Variants in MYOM1 observed in about 807,000 individuals in gnomAD.
MYOM1 encodes the protein myomesin 1.
In MYOM1, 164 loss-of-function variants were observed where a neutral mutation model predicts 205.3. The observed-to-expected ratio is 0.80, with a 90% CI of 0.70 to 0.91. The LOEUF (loss-of-function observed/expected upper bound fraction) is 0.91. Among genes scored for constraint, MYOM1 ranks in the 40% least tolerant of loss-of-function variants. MYOM1 has a pLI of 0.00. For synonymous variants in MYOM1, 772 were observed against 789.4 expected (o/e 0.98, Z 0.37); for missense variants, 2,011 against 2,127.3 (o/e 0.95, Z 1.08).
chr18:3,168,958 C>G lies in MYOM1; in HGVS notation c.1198G>C (p.Ala400Pro), dbSNP rs1221211210. Residue 400 changes from alanine to proline, a missense_variant, in exon 9 of 38, where the codon GCA (alanine) becomes CCA (proline). Physicochemically the swap from Ala to Pro is conservative, Grantham distance 27. Transcript: ENST00000356443. Reference sequence around the variant, plus strand: ...TCAAAGTGGATCTCAAACCGGGATGCATAACCATATGGGGTCACACCAACT... The same window carrying G: ...TCAAAGTGGATCTCAAACCGGGATGGATAACCATATGGGGTCACACCAACT... ...LSFGVTPYGY[A>P]SRFEIHFDDK... 6 of 1,612,780 alleles carry G rather than the reference C, an allele frequency of 3.7e-6. No homozygotes were observed. Among genetic ancestry groups the G allele is most frequent in the Non-Finnish European group, 5.1e-6 (6 of 1,179,468 alleles).
chr18:3,112,926 A>G (rs1193730981), intron 21 of MYOM1, among the ~76,000 whole-genome samples: 2 of 152,202 alleles, frequency 1.3e-5, no homozygotes, highest in African/African-American at 4.8e-5. Flanking sequence ...CTAAAACCAA[A>G]ACAAACAATA....
Position 3,086,087 on chromosome 18 carries a change from T to C in MYOM1, c.4202A>G (p.Asp1401Gly). 1 of 1,611,948 alleles carries C rather than the reference T, an allele frequency of 6.2e-7. No individual in the cohort carries two copies. The highest frequency in any genetic ancestry group is 8.5e-7 in the Non-Finnish European group (1 of 1,179,262). The part of the protein sequence containing the change: ...WYKDEREISV[D>G]EKHDFKDGIC... ...ACCATCCTTAAAGTCATGCTTTTCA[T>C]CCACTGATATCTCCCTCTCATCTTT... Residue 1401 changes from aspartate to glycine, a missense_variant, in exon 30 of 38, where the codon GAT (aspartate) becomes GGT (glycine). Transcript: ENST00000356443.
the MYOM1 span, among the ~76,000 whole-genome samples, chr18:3,245,676 A>T: frequency 1.3e-5 from 2 of 152,210 alleles, no homozygotes; most frequent in African/African-American, 2.4e-5. Context: ...ATCTTCAATC[A>T]GCCAGGCCCT....
chr18:3,210,924 GGTT>G (rs2081183731), intron 2 of MYOM1, among the ~76,000 whole-genome samples: 1 of 152,082 alleles, frequency 6.6e-6, no homozygotes, highest in Non-Finnish European at 1.5e-5. Context: ...TACTGCTCAG[GGTT>G]GTTGTAAAGA....
chr18:3,117,239 G>A (rs961631920), intron 20 of MYOM1, among the ~76,000 whole-genome samples: 4 of 152,112 alleles, frequency 2.6e-5, no homozygotes, highest in African/African-American at 9.7e-5. Context: ...TCTATTTGAT[G>A]GCATATGAAT....
Position 3,127,680 on chromosome 18 carries a change from C to T in MYOM1, c.2795-783G>A, listed in dbSNP as rs561097805. ...GCACACTTACCCTTGTGAGACCTTA[C>T]AACTACACAACTCTGTCTGCACACA... On this transcript the variant is annotated intron_variant, in intron 18 of 37. Coordinates refer to ENST00000356443, the MANE Select transcript of MYOM1 (RefSeq NM_003803.4). 2.6e-5 allele frequency among the ~76,000 whole-genome samples: 4 copies of T among 152,208 alleles called. No individual in the cohort carries two copies. The South Asian group carries it at 8.3e-4, about 32-fold the overall frequency.
intron 10 of MYOM1, among the ~76,000 whole-genome samples, chr18:3,157,413 G>A (rs1241977986): frequency 6.6e-6 from 1 of 151,976 alleles, no homozygotes; most frequent in Non-Finnish European, 1.5e-5. Context: ...GATCCTAGCT[G>A]GGTGCAGTGG....
At chr18:3,210,887 C>T (rs1248246527) in intron 2 of MYOM1, among the ~76,000 whole-genome samples, 1 of 152,138 alleles carries the variant, frequency 6.6e-6, no homozygotes, top group Non-Finnish European at 1.5e-5. Context: ...CCAATTTTCT[C>T]ATTTATAAAA....
intron 5 of MYOM1, among the ~76,000 whole-genome samples, chr18:3,186,893 A>G (rs1225478517): frequency 4.8e-5 from 7 of 145,592 alleles, no homozygotes; most frequent in African/African-American, 1.4e-4. Context: ...AGAAAGAAAG[A>G]GAAAGAAGGA....
intron 26 of MYOM1, among the ~76,000 whole-genome samples, chr18:3,092,967 G>A (rs1598662418): frequency 1.3e-5 from 2 of 152,314 alleles, no homozygotes; most frequent in South Asian, 4.1e-4. Flanking sequence ...GGGGTGATGA[G>A]TGAGGCCAAC....
At chr18:3,169,056 C>T in intron 8 of MYOM1, 75 bp from the exon 9 acceptor site, 1 of 1,258,906 alleles carries the variant, frequency 7.9e-7, no homozygotes, top group East Asian at 2.9e-5. Flanking sequence ...TAAGCACAGG[C>T]AGAAAGCAGT....
intron 12 of MYOM1, among the ~76,000 whole-genome samples, chr18:3,150,842 T>C (rs969928081): frequency 6.6e-6 from 1 of 152,080 alleles, no homozygotes; most frequent in South Asian, 2.1e-4. Context: ...TGAGACAGGG[T>C]CTTGCTCTGT....
intron 10 of MYOM1, among the ~76,000 whole-genome samples, chr18:3,157,964 C>A (rs2080325834): frequency 6.6e-6 from 1 of 151,822 alleles, no homozygotes. Flanking sequence ...AAAGATTAGC[C>A]TACTACTCTT....
rs143733737 is a variant in MYOM1, at chr18:3,099,170, C to T, written c.3727+989G>A. Among the ~76,000 whole-genome samples, 16 of 152,262 alleles carry T rather than the reference C, an allele frequency of 1.1e-4. No homozygotes were observed. In the East Asian group the frequency reaches 3.1e-3, roughly 29 times the overall value. On this transcript the variant is annotated intron_variant, in intron 25 of 37. Transcript: ENST00000356443. ...TGAGGCCAATATCACCAGCACTCAG[C>T]CTCACTATCAAACAAGTCACTCCTT... is the stretch of plus-strand genomic sequence containing the variant.
chr18:3,134,573 A>G (rs2079925250), intron 16 of MYOM1, 77 bp downstream of exon 16: 9 of 1,443,188 alleles, frequency 6.2e-6, no homozygotes, highest in Non-Finnish European at 6.5e-6. Context: ...AATCTCCTCC[A>G]TTGGATGTCT....
chr18:3,081,126 G>A (rs1334209353), intron 33 of MYOM1, among the ~76,000 whole-genome samples: 3 of 143,644 alleles, frequency 2.1e-5, no homozygotes, highest in Non-Finnish European at 3.0e-5. Context: ...GTGAGACTCC[G>A]TCTCAAAAAA....
At chr18:3,171,485 C>T (rs952018238) in intron 8 of MYOM1, among the ~76,000 whole-genome samples, 5 of 152,088 alleles carry the variant, frequency 3.3e-5, no homozygotes, top group Non-Finnish European at 7.3e-5. Flanking sequence ...GCACTGTCTG[C>T]GATAACTTTG....
intron 2 of MYOM1, among the ~76,000 whole-genome samples, chr18:3,203,571 C>T (rs907460449): frequency 1.3e-5 from 2 of 151,806 alleles, no homozygotes; most frequent in Non-Finnish European, 2.9e-5. Context: ...ATTACTAAGG[C>T]TAACTTGAGA....
chr18:3,220,854 A>G (rs1448477054), upstream of MYOM1, among the ~76,000 whole-genome samples: 1 of 152,262 alleles, frequency 6.6e-6, no homozygotes, highest in Non-Finnish European at 1.5e-5. Flanking sequence ...ACCTAGTGAC[A>G]GTCACATAAT....
Sources: allele counts gnomAD v4.1 joint callset (sites outside exome capture counted in the v4.1 genomes callset), GRCh38; gene constraint gnomAD v4.1.1; transcripts MANE v1.5; gene names NCBI Gene and HGNC (gene_info 2026-07-23, HGNC 2026-07-21).